Variants in PUS10 observed in about 807,000 individuals in gnomAD.
PUS10 encodes tRNA pseudouridine synthase Pus10.
PUS10 carries 59 observed loss-of-function variants against 75.0 expected under a neutral mutation model. The observed-to-expected ratio is 0.79, with a 90% CI of 0.64 to 0.98. PUS10 has a LOEUF of 0.98. Ranked by LOEUF, PUS10 falls within the 50% of genes least tolerant of loss-of-function variation. The pLI is 0.00. For missense variants in PUS10, 650 were observed against 614.4 expected, an observed-to-expected ratio of 1.06 and a Z score of -0.61; for synonymous variants, 219 against 211.6, an observed-to-expected ratio of 1.03 and a Z score of -0.30.
chr2:61,010,914 G>A (rs1337811016), intron 2 of PUS10: 1 of 1,545,774 alleles, frequency 6.5e-7, no homozygotes, highest in African/African-American at 1.4e-5. Flanking sequence ...ATCATAGTAT[G>A]TACTTACCTA....
At chr2:60,959,304 G>A (rs954172219) in intron 11 of PUS10, among the ~76,000 whole-genome samples, 4 of 152,350 alleles carry the variant, frequency 2.6e-5, no homozygotes, top group Admixed American at 1.3e-4. Context: ...CAAGGCTGAG[G>A]TGTACCAAGG....
chr2:60,995,811 T>C (rs551879891), intron 4 of PUS10, among the ~76,000 whole-genome samples: 2 of 152,314 alleles, frequency 1.3e-5, no homozygotes, highest in Admixed American at 6.5e-5. Context: ...AATAAGACCA[T>C]ACACATTTTT....
chr2:60,994,084 C>T (rs755028715), intron 4 of PUS10, among the ~76,000 whole-genome samples: 17 of 151,862 alleles, frequency 1.1e-4, no homozygotes, highest in Admixed American at 4.6e-4. Context: ...CCACCGCGCC[C>T]GGCCAGATCG....
intron 1 of PUS10, among the ~76,000 whole-genome samples, chr2:61,014,848 C>T (rs551393935): frequency 6.6e-6 from 1 of 152,272 alleles, no homozygotes; most frequent in South Asian, 2.1e-4. Context: ...TTCCAAACCT[C>T]TAAAACTTCC....
At chr2:60,960,836 C>G (rs1324952071) in intron 10 of PUS10, among the ~76,000 whole-genome samples, 1 of 109,210 alleles carries the variant, frequency 9.2e-6, no homozygotes, top group Non-Finnish European at 1.8e-5. Context: ...TATGAATATA[C>G]CAAGGATAAA....
chr2:60,958,787 G>C (rs1030801651), intron 11 of PUS10, among the ~76,000 whole-genome samples: 1 of 152,170 alleles, frequency 6.6e-6, no homozygotes, highest in East Asian at 1.9e-4. Context: ...TTGGGAGGCT[G>C]AGGCAGGAGG....
chr2:60,959,682 C>G (rs1675896481), intron 11 of PUS10, among the ~76,000 whole-genome samples: 1 of 152,190 alleles, frequency 6.6e-6, no homozygotes, highest in Non-Finnish European at 1.5e-5. Context: ...CACCACTGCA[C>G]TCGGCAGAGC....
At chr2:60,974,661 A>G (rs567707098) in intron 4 of PUS10, among the ~76,000 whole-genome samples, 2 of 152,278 alleles carry the variant, frequency 1.3e-5, no homozygotes, top group East Asian at 3.9e-4. Context: ...TCCAGGTGCC[A>G]CCATATTCCC....
intron 4 of PUS10, among the ~76,000 whole-genome samples, chr2:60,980,736 A>ATT (rs1429012412): frequency 6.6e-6 from 1 of 152,236 alleles, no homozygotes; most frequent in East Asian, 1.9e-4. Flanking sequence ...GTAAAATGTA[A>ATT]TTATATATAT....
At chr2:60,944,950 G>A (rs1368074095) in intron 17 of PUS10, 59 bp downstream of exon 17, 2 of 1,277,762 alleles carry the variant, frequency 1.6e-6, no homozygotes, top group Admixed American at 1.7e-5. Context: ...TAATGCCAAA[G>A]AGCATAACTT....
rs771553189 is a variant in PUS10, at chr2:60,960,434, C to T, written c.958G>A (p.Glu320Lys). 4 of 1,573,290 alleles carry T rather than the reference C, an allele frequency of 2.5e-6. No homozygotes were observed. Among genetic ancestry groups the T allele is most frequent in the Non-Finnish European group, 3.4e-6 (4 of 1,164,262 alleles). Reference protein sequence around the residue: ...GERKLESSVEELISDHLLAVF... With the variant: ...GERKLESSVEKLISDHLLAVF... Reference sequence around the variant, plus strand: ...GCCAACAGATGATCTGAAATTAATTCTTCCACTGAAGATTCCAGCTTCCTT... The same window carrying T: ...GCCAACAGATGATCTGAAATTAATTTTTCCACTGAAGATTCCAGCTTCCTT... Residue 320 changes from glutamate (E) to lysine (K), a missense_variant, in exon 11 of 18, where the codon GAA becomes AAA. Glu to Lys is a moderately conservative substitution (Grantham distance 56). Transcript: ENST00000316752.
At chr2:60,978,405 G>A (rs1218469687) in intron 4 of PUS10, among the ~76,000 whole-genome samples, 3 of 133,284 alleles carry the variant, frequency 2.3e-5, no homozygotes, top group Non-Finnish European at 3.1e-5. Context: ...CTGGGCAACA[G>A]AGTGAGACTC....
chr2:60,961,976 T>C (rs1008093019), intron 9 of PUS10, among the ~76,000 whole-genome samples: 1 of 152,228 alleles, frequency 6.6e-6, no homozygotes, highest in Non-Finnish European at 1.5e-5. Context: ...TATTGAAGGA[T>C]CTTCTGGAAA....
At chr2:60,981,345 A>C (rs1300650019) in intron 4 of PUS10, among the ~76,000 whole-genome samples, 1 of 151,996 alleles carries the variant, frequency 6.6e-6, no homozygotes, top group Non-Finnish European at 1.5e-5. Flanking sequence ...TGCAACAGCA[A>C]GATTTCGGCT....
At chr2:60,958,885 C>CA (rs568745857) in intron 11 of PUS10, among the ~76,000 whole-genome samples, 566 of 144,240 alleles carry the variant, frequency 3.9e-3, no homozygotes, top group Non-Finnish European at 3.9e-3. Flanking sequence ...GACTCTGTCT[C>CA]AAAAAAAAAA....
At chr2:60,996,529 C>T (rs1013532774) in intron 4 of PUS10, among the ~76,000 whole-genome samples, 1 of 151,836 alleles carries the variant, frequency 6.6e-6, no homozygotes, top group South Asian at 2.1e-4. Flanking sequence ...AGGTAATATC[C>T]ACGGAGCCAA....
chr2:60,956,664 A>G (rs1675672488), intron 11 of PUS10, among the ~76,000 whole-genome samples: 1 of 152,192 alleles, frequency 6.6e-6, no homozygotes, highest in African/African-American at 2.4e-5. Context: ...AGCCATATTT[A>G]CTGATCTTTT....
At chr2:60,965,659 G>GT (rs968805070) in intron 6 of PUS10, 175 bp from the exon 7 acceptor site, 5 of 444,218 alleles carry the variant, frequency 1.1e-5, no homozygotes, top group South Asian at 4.2e-5. Flanking sequence ...AAAGGAAATA[G>GT]TTTTGTTTTT....
At position 60,965,404 on chromosome 2, in the gene PUS10, T is replaced by C. The variant is rs781238943; in HGVS notation, c.677+19A>G. The C allele has an allele frequency of 6.3e-7, 1 of 1,597,448 alleles. No individual in the cohort carries two copies. The highest frequency in any genetic ancestry group is 1.1e-5 in the South Asian group (1 of 89,962). On this transcript the variant is annotated intron_variant, in intron 7 of 17. Transcript: ENST00000316752. ...ATTAACAATTTTACACCATTGACGT[T>C]GTTTACATGGCAACTTACAGGAAGT...
Sources: allele counts gnomAD v4.1 joint callset (sites outside exome capture counted in the v4.1 genomes callset), GRCh38; gene constraint gnomAD v4.1.1; transcripts MANE v1.5; gene names NCBI Gene and HGNC (gene_info 2026-07-23, HGNC 2026-07-21).